The following PCGF5 variants were observed in gnomAD, a reference collection of about 807,000 sequenced individuals.
The protein encoded by PCGF5 is polycomb group ring finger 5.
PCGF5 carries 9 observed loss-of-function variants against 44.3 expected under a neutral mutation model. The ratio of observed to expected loss-of-function variants is 0.20; its 90% CI spans 0.12 to 0.35. The LOEUF is 0.35. Ranked by LOEUF, PCGF5 falls within the 10% of genes least tolerant of loss-of-function variation. The pLI is 1.00. For missense variants in PCGF5, 146 were observed against 305.3 expected, an observed-to-expected ratio of 0.48 and a Z score of 3.89; for synonymous variants, 95 against 102.5, an observed-to-expected ratio of 0.93 and a Z score of 0.44.
At chr10:91,170,533 G>A (rs1267470690) in intron 1 of PCGF5, among the ~76,000 whole-genome samples, 1 of 152,132 alleles carries the variant, frequency 6.6e-6, no homozygotes, top group East Asian at 1.9e-4. Context: ...ATGTCATCAG[G>A]AAAATGCAAA....
intron 2 of PCGF5, among the ~76,000 whole-genome samples, chr10:91,225,638 A>C (rs1412300204): frequency 6.6e-6 from 1 of 152,132 alleles, no homozygotes; most frequent in East Asian, 1.9e-4. Flanking sequence ...GTTTGTATTT[A>C]TATTGAAGCT....
At chr10:91,266,586 G>T (rs1441473740) in intron 8 of PCGF5, among the ~76,000 whole-genome samples, 2 of 152,080 alleles carry the variant, frequency 1.3e-5, no homozygotes. Context: ...TTTACATTTA[G>T]TGCAACAGTA....
At chr10:91,169,970 A>G (rs1200581219) in intron 1 of PCGF5, among the ~76,000 whole-genome samples, 2 of 152,244 alleles carry the variant, frequency 1.3e-5, no homozygotes, top group Non-Finnish European at 2.9e-5. Context: ...ACCCCAATAA[A>G]TACAGTCAAG....
At chr10:91,182,885 T>C (rs543934837) in intron 1 of PCGF5, among the ~76,000 whole-genome samples, 1 of 152,342 alleles carries the variant, frequency 6.6e-6, no homozygotes, top group Admixed American at 6.5e-5. Context: ...TCCAAAGTAA[T>C]TCAGGAGCAG....
At chr10:91,164,430 T>A (rs774835111) in intron 1 of PCGF5, among the ~76,000 whole-genome samples, 4 of 152,228 alleles carry the variant, frequency 2.6e-5, no homozygotes, top group Non-Finnish European at 5.9e-5. Flanking sequence ...GCTGGTTCGC[T>A]GCAGGGCTGG....
At chr10:91,184,893 C>G (rs891898896) in intron 1 of PCGF5, among the ~76,000 whole-genome samples, 3 of 152,154 alleles carry the variant, frequency 2.0e-5, no homozygotes, top group Non-Finnish European at 4.4e-5. Context: ...CTGTGGGAGT[C>G]CCATCCCAGG....
At chr10:91,201,723 C>CTT (rs759618961) in intron 1 of PCGF5, among the ~76,000 whole-genome samples, 90 of 136,988 alleles carry the variant, frequency 6.6e-4, no homozygotes, top group African/African-American at 2.1e-3. Context: ...TCCAGAAAAC[C>CTT]TTTTTTTTTT....
chr10:91,191,009 C>A (rs1305476159), intron 1 of PCGF5, among the ~76,000 whole-genome samples: 1 of 152,174 alleles, frequency 6.6e-6, no homozygotes, highest in Non-Finnish European at 1.5e-5. Flanking sequence ...AAAATCCTTA[C>A]GCTGACAGTT....
chr10:91,178,125 G>A (rs1018744329), intron 1 of PCGF5, among the ~76,000 whole-genome samples: 1 of 152,096 alleles, frequency 6.6e-6, no homozygotes, highest in South Asian at 2.1e-4. Context: ...GTTGACCCTG[G>A]CCATAACTGA....
At chr10:91,189,402 G>C (rs141010258) in intron 1 of PCGF5, among the ~76,000 whole-genome samples, 110 of 152,138 alleles carry the variant, frequency 7.2e-4, no homozygotes, top group African/African-American at 2.5e-3. Context: ...CATGGTGCCT[G>C]GTACATAGTA....
At chr10:91,188,450 T>C (rs1444936116) in intron 1 of PCGF5, among the ~76,000 whole-genome samples, 1 of 152,212 alleles carries the variant, frequency 6.6e-6, no homozygotes, top group East Asian at 1.9e-4. Context: ...TTTATGTATA[T>C]TAAAATTATG....
intron 3 of PCGF5, among the ~76,000 whole-genome samples, chr10:91,241,400 A>G (rs1342096319): frequency 1.3e-5 from 2 of 152,136 alleles, no homozygotes; most frequent in Non-Finnish European, 2.9e-5. Flanking sequence ...GAAGTGGTCT[A>G]TGAGATTCTA....
intron 9 of PCGF5, among the ~76,000 whole-genome samples, chr10:91,272,395 A>G (rs1589412488): frequency 6.6e-6 from 1 of 152,162 alleles, no homozygotes; most frequent in Non-Finnish European, 1.5e-5. Context: ...CTGTAATCCC[A>G]GTGCTTTGGG....
At chr10:91,184,278 A>G (rs1843875978) in intron 1 of PCGF5, among the ~76,000 whole-genome samples, 1 of 151,288 alleles carries the variant, frequency 6.6e-6, no homozygotes, top group Admixed American at 6.6e-5. Flanking sequence ...TTTTTTCTCT[A>G]TTCTTCTCTG....
chr10:91,230,744 C>G (rs1844980098), intron 2 of PCGF5, among the ~76,000 whole-genome samples: 1 of 152,166 alleles, frequency 6.6e-6, no homozygotes, highest in Non-Finnish European at 1.5e-5. Flanking sequence ...TCTCAGCTTT[C>G]TGAGTAGCTG....
chr10:91,277,420 T>C (rs553421767), intron 9 of PCGF5, among the ~76,000 whole-genome samples: 2 of 152,372 alleles, frequency 1.3e-5, no homozygotes, highest in African/African-American at 4.8e-5. Context: ...AGAGAGTATC[T>C]ACAGCTTTAA....
rs941287989 is a variant in PCGF5 at position 91,281,559 on chromosome 10, A to AT, written c.*3250dup. 2.0e-5 allele frequency: 3 copies of AT among 152,528 alleles called. No individual in the cohort carries two copies. Among genetic ancestry groups the AT allele is most frequent in the Non-Finnish European group, 4.4e-5 (3 of 67,978 alleles). 9.4% of individuals were successfully genotyped at this position (152,528 alleles called of 1,614,324 possible). On this transcript the variant is annotated 3_prime_UTR_variant, in exon 10 of 10. Coordinates refer to ENST00000336126, the MANE Select transcript of PCGF5 (RefSeq NM_032373.5). The stretch of plus-strand genomic sequence containing the variant: ...TATCTAAATAGGCTCTTGTAAGTTA[A>AT]TTTTTTTGGAAGATTTTCATAAGAA...
intron 5 of PCGF5, among the ~76,000 whole-genome samples, chr10:91,249,580 A>G (rs1845572267): frequency 6.6e-6 from 1 of 151,700 alleles, no homozygotes. Flanking sequence ...TCAGCCTCCC[A>G]ATCTTGGTTT....
upstream of PCGF5, chr10:91,220,072 G>T (rs1367300191): frequency 6.6e-6 from 1 of 150,636 alleles, no homozygotes; most frequent in African/African-American, 2.5e-5. Flanking sequence ...ACTAGAAAGA[G>T]TACTGGGTTT....
Sources: gnomAD v4.1 joint callset for allele counts (sites outside exome capture counted in the v4.1 genomes callset) on GRCh38, gnomAD v4.1.1 for gene constraint, MANE v1.5 for transcripts, NCBI Gene and HGNC (gene_info 2026-07-23, HGNC 2026-07-21) for gene names.